TEX14: variants seen among roughly 807,000 people sequenced by gnomAD.
The protein encoded by TEX14 is inactive serine/threonine-protein kinase TEX14.
In TEX14, 168 loss-of-function variants were observed where a neutral mutation model predicts 178.6. That is an observed-to-expected ratio of 0.94 (90% CI 0.83 to 1.07). The LOEUF (loss-of-function observed/expected upper bound fraction) is 1.07. Ranked by LOEUF, TEX14 falls within the 50% of genes least tolerant of loss-of-function variation. The probability of loss-of-function intolerance (pLI) is 0.00; values close to 1 mark genes in which losing one functional copy is unlikely to be tolerated. For synonymous variants in TEX14, 626 were observed against 634.1 expected, an observed-to-expected ratio of 0.99 and a Z score of 0.19; for missense variants, 1,730 against 1,753.6, an observed-to-expected ratio of 0.99 and a Z score of 0.24.
chr17:58,618,732 G>A (rs1386025609), intron 5 of TEX14, among the ~76,000 whole-genome samples: 3 of 152,246 alleles, frequency 2.0e-5, no homozygotes, highest in Non-Finnish European at 4.4e-5. Flanking sequence ...GAGAACAGAT[G>A]TAAGTGCTTT....
intron 5 of TEX14, among the ~76,000 whole-genome samples, chr17:58,619,514 T>G (rs1320980902): frequency 6.6e-6 from 1 of 151,962 alleles, no homozygotes; most frequent in African/African-American, 2.4e-5. Flanking sequence ...TTTTTTACAT[T>G]AAGAGGAGGG....
intron 2 of TEX14, among the ~76,000 whole-genome samples, chr17:58,636,832 G>A (rs2046442833): frequency 6.6e-6 from 1 of 152,042 alleles, no homozygotes; most frequent in African/African-American, 2.4e-5. Flanking sequence ...AGAATTTCTT[G>A]AACTCGGGAG....
At chr17:58,687,996 T>C (rs186654813) in intron 1 of TEX14, among the ~76,000 whole-genome samples, 610 of 152,336 alleles carry the variant, frequency 4.0e-3, no homozygotes, top group Non-Finnish European at 7.1e-3. Flanking sequence ...GTTTTAGTGA[T>C]CTAGTCTTCA....
chr17:58,562,091 AAAG>A (rs1374676552), intron 28 of TEX14, among the ~76,000 whole-genome samples: 1 of 152,172 alleles, frequency 6.6e-6, no homozygotes, highest in African/African-American at 2.4e-5. Flanking sequence ...TCTCAAAAAA[AAAG>A]AAGAAAGAAA....
At position 58,616,288 on chromosome 17, in the gene TEX14, CG is replaced by C. The variant is rs770186891; in HGVS notation, c.653del (p.Ala218GlyfsTer7). The C allele has an allele frequency of 1.2e-6, 2 of 1,613,448 alleles. No individual in the cohort carries two copies. Among genetic ancestry groups the C allele is most frequent in the Admixed American group, 1.7e-5 (1 of 59,844 alleles). On this transcript the variant is annotated frameshift_variant, in exon 7 of 32. Transcript: ENST00000349033. LOFTEE classifies it high-confidence loss of function. Reference sequence around the variant, plus strand: ...GAGATCCTAGATAGGCCATCTGTGTCGCCCCAGTAAGATAAAACTGAAACCA... The same window carrying C: ...GAGATCCTAGATAGGCCATCTGTGTCCCCCAGTAAGATAAAACTGAAACCA... ...FGFGKFYLTG[A>X]TQMAYLGSLP... is the part of the protein sequence containing the mutation.
In TEX14 at chr17:58,623,001, T is replaced by A. The variant is rs56292204; in HGVS notation, c.263A>T (p.Asp88Val). The A allele has an allele frequency of 5.7e-6, 9 of 1,592,224 alleles. No homozygotes were observed. The highest frequency in any genetic ancestry group is 7.7e-6 in the Non-Finnish European group (9 of 1,161,770). Reference sequence around the variant, plus strand: ...TGCTGCATGGACAGGGGTGCTCCCATCAAAGCAGCGGCTGGGGAGGGAGAT... The same window carrying A: ...TGCTGCATGGACAGGGGTGCTCCCAACAAAGCAGCGGCTGGGGAGGGAGAT... The part of the protein sequence containing the change: ...YGSDPNHRCF[D>V]GSTPVHAAAF... The change falls in exon 4 of 32, where the codon GAT becomes GTT. Residue 88 changes from aspartate (D) to valine (V), a missense_variant. Physicochemically the swap from Asp to Val is radical, Grantham distance 152. Coordinates refer to ENST00000349033, the MANE Select transcript of TEX14 (RefSeq NM_031272.5).
At chr17:58,622,079 G>A (rs1298639180) in intron 4 of TEX14, among the ~76,000 whole-genome samples, 1 of 152,210 alleles carries the variant, frequency 6.6e-6, no homozygotes, top group Non-Finnish European at 1.5e-5. Flanking sequence ...CCAGAAAGGA[G>A]ACTGCACACA....
chr17:58,660,610 A>T, intron 1 of TEX14: 1 of 792,934 alleles, frequency 1.3e-6, no homozygotes, highest in Non-Finnish European at 2.3e-6. Flanking sequence ...CGTAGCCCCT[A>T]GGGTGGGTGT....
At chr17:58,674,891 T>G (rs2047368518) in intron 1 of TEX14, among the ~76,000 whole-genome samples, 1 of 144,148 alleles carries the variant, frequency 6.9e-6, no homozygotes, top group South Asian at 2.2e-4. Flanking sequence ...ACACCTGTAA[T>G]CCCAGCACTG....
chr17:58,620,443 C>G (rs540688345), intron 5 of TEX14, among the ~76,000 whole-genome samples: 30 of 152,276 alleles, frequency 2.0e-4, no homozygotes, highest in African/African-American at 6.5e-4. Flanking sequence ...GATCCTCTCA[C>G]CTCAGCCTCC....
intron 1 of TEX14, among the ~76,000 whole-genome samples, chr17:58,665,712 C>A (rs941551664): frequency 5.3e-5 from 8 of 151,664 alleles, no homozygotes; most frequent in Non-Finnish European, 7.4e-5. Flanking sequence ...AACAACCCTG[C>A]AACCCCAAAG....
intron 1 of TEX14, among the ~76,000 whole-genome samples, chr17:58,686,476 C>A (rs1262292928): frequency 6.6e-6 from 1 of 151,986 alleles, no homozygotes; most frequent in African/African-American, 2.4e-5. Context: ...GTCCAGTAGG[C>A]AATTAGATAT....
rs543609447 is a variant in TEX14, at chr17:58,600,452, T to C, written c.1679-786A>G. Among the ~76,000 whole-genome samples the C allele has an allele frequency of 3.7e-4, 56 of 151,954 alleles. 1 individual carries two copies. The highest frequency in any genetic ancestry group is 1.3e-3 in the African/African-American group (54 of 41,396). On this transcript the variant is annotated intron_variant, in intron 13 of 31. Transcript: ENST00000349033. ...GGTGCATGCCTGTAGTCTCAGCTAC[T>C]TGGGAGGCTGAGGCAGGAGAATCGC...
At chr17:58,637,186 A>G (rs2046453996) in intron 2 of TEX14, among the ~76,000 whole-genome samples, 1 of 152,208 alleles carries the variant, frequency 6.6e-6, no homozygotes. Flanking sequence ...GTGCCATTGC[A>G]CTCCAGCCTG....
chr17:58,618,880 A>T (rs1206232956), intron 5 of TEX14, among the ~76,000 whole-genome samples: 1 of 152,242 alleles, frequency 6.6e-6, no homozygotes, highest in Non-Finnish European at 1.5e-5. Context: ...CTGGTATCTT[A>T]GCACCATTAT....
At position 58,587,994 on chromosome 17, in the gene TEX14, G is replaced by C. The variant is rs1250823816; in HGVS notation, c.2604C>G (p.Ala868=). The C allele has an allele frequency of 7.0e-7, 1 of 1,420,426 alleles. No homozygotes were observed. The highest frequency in any genetic ancestry group is 1.0e-6 in the Non-Finnish European group (1 of 1,003,576). 88.0% of individuals were successfully genotyped at this position (1,420,426 alleles called of 1,614,324 possible). A position where few individuals can be genotyped will look rare whatever the true frequency, so the allele number is the denominator to read the frequency against. The change falls in exon 16 of 32, where the codon GCC becomes GCG. Residue 868 remains alanine (A), a synonymous_variant. Transcript: ENST00000349033. ...TATTAAACTGTGTGGCTTTGGCTTG[G>C]GCAGTGGACTCTCTAGGTCTTCCCT... is the stretch of plus-strand genomic sequence containing the variant. ...SSQGRPREST[A]QAKATQFNSA... is the part of the protein sequence containing the mutation.
intron 1 of TEX14, among the ~76,000 whole-genome samples, chr17:58,681,328 G>A (rs2047497586): frequency 6.6e-6 from 1 of 152,090 alleles, no homozygotes; most frequent in Non-Finnish European, 1.5e-5. Flanking sequence ...ACATAGAGGT[G>A]TCTTAGATGG....
At chr17:58,607,963 AAG>A (rs1274581698) in intron 10 of TEX14, among the ~76,000 whole-genome samples, 5 of 152,042 alleles carry the variant, frequency 3.3e-5, no homozygotes, top group African/African-American at 1.2e-4. Flanking sequence ...GCCTGGGCAA[AAG>A]AGAGAGATCC....
intron 15 of TEX14, among the ~76,000 whole-genome samples, chr17:58,592,872 G>T (rs947117769): frequency 6.6e-6 from 1 of 152,098 alleles, no homozygotes; most frequent in African/African-American, 2.4e-5. Context: ...CTCAGCATGT[G>T]TGTGTGTATG....
Sources: gnomAD v4.1 joint callset for allele counts (sites outside exome capture counted in the v4.1 genomes callset) on GRCh38, gnomAD v4.1.1 for gene constraint, MANE v1.5 for transcripts, NCBI Gene and HGNC (gene_info 2026-07-23, HGNC 2026-07-21) for gene names.